The following BMP2K variants were observed in gnomAD, a reference collection of about 807,000 sequenced individuals.
The protein encoded by BMP2K is BMP-2-inducible protein kinase.
A neutral mutation model predicts 116.0 loss-of-function variants in BMP2K; 74 were observed. The observed-to-expected ratio is 0.64, with a 90% CI of 0.53 to 0.77. BMP2K has a LOEUF of 0.77. Among genes scored for constraint, BMP2K ranks in the 30% least tolerant of loss-of-function variants. The pLI is 0.00. For synonymous variants in BMP2K, 486 were observed against 502.5 expected, an observed-to-expected ratio of 0.97 and a Z score of 0.44; for missense variants, 1,365 against 1,403.6, an observed-to-expected ratio of 0.97 and a Z score of 0.44.
chr4:78,831,323 T>C (rs1213791933), intron 2 of BMP2K, among the ~76,000 whole-genome samples: 2 of 152,192 alleles, frequency 1.3e-5, no homozygotes, highest in African/African-American at 4.8e-5. Flanking sequence ...AGTATGAGAA[T>C]TACCAAAATA....
rs991133373 is a variant in BMP2K, at chr4:78,915,996, C to A, written c.*3963C>A. ...TTGTTAAACTTGAATTTTCTGAAGC[C>A]TTTTATGTACCACTAAGCAAATAAC... On this transcript the variant is annotated 3_prime_UTR_variant, in exon 16 of 16. Transcript: ENST00000502613. The A allele has an allele frequency of 6.6e-6, 1 of 151,762 alleles. No individual in the cohort carries two copies. The highest frequency in any genetic ancestry group is 1.5e-5 in the Non-Finnish European group (1 of 67,810). 9.4% of individuals were successfully genotyped at this position (151,762 alleles called of 1,614,324 possible). A position where few individuals can be genotyped will look rare whatever the true frequency, so the allele number is the denominator to read the frequency against.
At chr4:78,792,410 A>G (rs1728046600) in intron 1 of BMP2K, among the ~76,000 whole-genome samples, 1 of 152,236 alleles carries the variant, frequency 6.6e-6, no homozygotes, top group Non-Finnish European at 1.5e-5. Flanking sequence ...TTGATTTCAT[A>G]GAATATCGTC....
intron 13 of BMP2K, among the ~76,000 whole-genome samples, chr4:78,874,998 TTTTACTCCACTCCTATGAAATTTATGTA>T (rs1343138082): frequency 6.6e-6 from 1 of 152,194 alleles, no homozygotes; most frequent in Non-Finnish European, 1.5e-5. Flanking sequence ...ATAAGACTTG[TTTTACTCCACTCCTATGAAATTTATGTA>T]TTTAAGGATG....
At chr4:78,846,209 G>T (rs766628876) in intron 5 of BMP2K, among the ~76,000 whole-genome samples, 5 of 151,466 alleles carry the variant, frequency 3.3e-5, no homozygotes, top group Non-Finnish European at 5.9e-5. Context: ...TGTCCTTTGT[G>T]GCTCAATTAA....
rs1734958686 is a variant in BMP2K, at chr4:78,915,444, G to A, written c.*3411G>A. The A allele has an allele frequency of 6.6e-6, 1 of 151,842 alleles. No homozygotes were observed. Among genetic ancestry groups the A allele is most frequent in the Admixed American group, 6.6e-5 (1 of 15,196 alleles). 9.4% of individuals were successfully genotyped at this position (151,842 alleles called of 1,614,324 possible). On this transcript the variant is annotated 3_prime_UTR_variant, in exon 16 of 16. Coordinates refer to ENST00000502613, the MANE Select transcript of BMP2K (RefSeq NM_198892.2). The stretch of plus-strand genomic sequence containing the variant: ...GGTACATTTGTTTTTAATATATTTA[G>A]AATGTGCAGTAAACTTTTTTCTCAT...
chr4:78,843,837 CTT>C (rs1407672596), intron 4 of BMP2K, among the ~76,000 whole-genome samples: 1 of 151,768 alleles, frequency 6.6e-6, no homozygotes, highest in Admixed American at 6.6e-5. Context: ...TCAGCTGACT[CTT>C]CTTTAAATTC....
At chr4:78,845,662 T>C (rs1316518550) in intron 5 of BMP2K, among the ~76,000 whole-genome samples, 3 of 151,648 alleles carry the variant, frequency 2.0e-5, no homozygotes, top group Admixed American at 1.3e-4. Context: ...AATGGAACTA[T>C]TTGTAAATTT....
At chr4:78,870,726 C>G in intron 10 of BMP2K, 57 bp from the exon 11 acceptor site, 1 of 1,537,994 alleles carries the variant, frequency 6.5e-7, no homozygotes, top group Admixed American at 2.1e-5. Context: ...TGTTGAAATC[C>G]AGCTTTTTAA....
At chr4:78,847,686 AT>A (rs1577922852) in intron 6 of BMP2K, among the ~76,000 whole-genome samples, 1 of 151,778 alleles carries the variant, frequency 6.6e-6, no homozygotes, top group East Asian at 1.9e-4. Context: ...TGTTTTTCTA[AT>A]TACAGTATAA....
At chr4:78,833,253 T>C (rs1254923285) in intron 2 of BMP2K, among the ~76,000 whole-genome samples, 1 of 151,972 alleles carries the variant, frequency 6.6e-6, no homozygotes, top group Admixed American at 6.5e-5. Context: ...TTTTATTTTT[T>C]AGATAAAAAC....
chr4:78,839,832 C>T (rs1577915684), intron 3 of BMP2K, among the ~76,000 whole-genome samples: 1 of 152,084 alleles, frequency 6.6e-6, no homozygotes, highest in South Asian at 2.1e-4. Flanking sequence ...TGTTCTTCTG[C>T]CTGCTTTTTA....
intron 2 of BMP2K, among the ~76,000 whole-genome samples, chr4:78,829,679 A>G (rs1039846383): frequency 3.9e-5 from 6 of 152,158 alleles, no homozygotes; most frequent in African/African-American, 1.4e-4. Flanking sequence ...TTTAAATAAT[A>G]AGACTTGAAA....
At chr4:78,903,693 TA>T (rs1198715818) in intron 15 of BMP2K, among the ~76,000 whole-genome samples, 3 of 151,848 alleles carry the variant, frequency 2.0e-5, no homozygotes, top group Admixed American at 1.3e-4. Flanking sequence ...TACAGAATAT[TA>T]AAAAAAATTT....
intron 5 of BMP2K, among the ~76,000 whole-genome samples, chr4:78,846,881 T>C (rs1358266038): frequency 6.6e-6 from 1 of 151,498 alleles, no homozygotes; most frequent in Non-Finnish European, 1.5e-5. Context: ...TTATTTCACA[T>C]AAGAAATTCA....
intron 1 of BMP2K, among the ~76,000 whole-genome samples, chr4:78,787,148 G>A (rs942597506): frequency 5.9e-5 from 9 of 152,072 alleles, no homozygotes; most frequent in Admixed American, 5.9e-4. Flanking sequence ...AGTGATCAGA[G>A]GGCTTGCTAC....
At chr4:78,869,205 C>T (rs1732211972) in intron 10 of BMP2K, among the ~76,000 whole-genome samples, 1 of 152,174 alleles carries the variant, frequency 6.6e-6, no homozygotes, top group Non-Finnish European at 1.5e-5. Flanking sequence ...CCCACAGGCT[C>T]AACACCAAAT....
At chr4:78,807,490 G>A (rs1728874589) in intron 1 of BMP2K, among the ~76,000 whole-genome samples, 1 of 151,434 alleles carries the variant, frequency 6.6e-6, no homozygotes, top group African/African-American at 2.4e-5. Flanking sequence ...TTTGAGGATT[G>A]GTGTTAATTC....
chr4:78,844,824 TA>T, intron 4 of BMP2K, 103 bp from the exon 5 acceptor site: 1 of 1,022,836 alleles, frequency 9.8e-7, no homozygotes, highest in Non-Finnish European at 1.5e-6. Context: ...GTTTATTGTG[TA>T]AAAATAAGCT....
At chr4:78,882,801 G>A (rs749577442) in intron 14 of BMP2K, among the ~76,000 whole-genome samples, 7 of 151,970 alleles carry the variant, frequency 4.6e-5, no homozygotes, top group Non-Finnish European at 7.4e-5. Flanking sequence ...TCTACTGAAT[G>A]TTGTTGTTTC....
Sources: gnomAD v4.1 joint callset for allele counts (sites outside exome capture counted in the v4.1 genomes callset) on GRCh38, gnomAD v4.1.1 for gene constraint, MANE v1.5 for transcripts, NCBI Gene and HGNC (gene_info 2026-07-23, HGNC 2026-07-21) for gene names.